Variants in SCUBE1 observed in about 807,000 individuals in gnomAD.
The protein encoded by SCUBE1 is signal peptide, CUB and EGF-like domain-containing protein 1.
SCUBE1 carries 59 observed loss-of-function variants against 124.4 expected under a neutral mutation model. The ratio of observed to expected loss-of-function variants is 0.47; its 90% confidence interval spans 0.38 to 0.59. SCUBE1 has a LOEUF of 0.59. Ranked by LOEUF, SCUBE1 falls within the 20% of genes least tolerant of loss-of-function variation. The pLI is 0.00. For missense variants in SCUBE1, 1,150 were observed against 1,371.2 expected (o/e 0.84, Z 2.55); for synonymous variants, 545 against 550.9 (o/e 0.99, Z 0.15).
At chr22:43,333,673 C>G (rs1390316347) in intron 2 of SCUBE1, among the ~76,000 whole-genome samples, 1 of 152,178 alleles carries the variant, frequency 6.6e-6, no homozygotes, top group Non-Finnish European at 1.5e-5. Flanking sequence ...CTTACAGTCC[C>G]TATGGGACAG....
At chr22:43,306,454 T>A (rs924256310) in intron 3 of SCUBE1, among the ~76,000 whole-genome samples, 4 of 152,114 alleles carry the variant, frequency 2.6e-5, no homozygotes, top group African/African-American at 9.7e-5. Context: ...GGCTTCTTCC[T>A]CAAGCCACCA....
chr22:43,274,436 G>T (rs1191400418), intron 4 of SCUBE1, among the ~76,000 whole-genome samples: 1 of 152,232 alleles, frequency 6.6e-6, no homozygotes, highest in East Asian at 1.9e-4. Flanking sequence ...GACCCTAAAG[G>T]AAGCCATGGC....
At chr22:43,230,574 CAGA>C (rs1235660523) in intron 8 of SCUBE1, among the ~76,000 whole-genome samples, 1 of 152,218 alleles carries the variant, frequency 6.6e-6, no homozygotes, top group African/African-American at 2.4e-5. Context: ...CAGCCCTCTG[CAGA>C]AGAACTTGGC....
intron 17 of SCUBE1, 93 bp downstream of exon 17, chr22:43,212,332 A>G (rs7364122): frequency 0.043 from 58,935 of 1,370,744 alleles, 2,186 homozygotes; most frequent in African/African-American, 0.17. Context: ...GGTTCGCCAC[A>G]TGGAGGAGAT....
chr22:43,209,275 G>A (rs1921435766), intron 19 of SCUBE1, among the ~76,000 whole-genome samples: 1 of 152,196 alleles, frequency 6.6e-6, no homozygotes, highest in African/African-American at 2.4e-5. Flanking sequence ...GCCAGCGTCT[G>A]TGGGTGTCTG....
chr22:43,251,129 G>C (rs1243185783), intron 6 of SCUBE1, among the ~76,000 whole-genome samples: 1 of 152,184 alleles, frequency 6.6e-6, no homozygotes, highest in African/African-American at 2.4e-5. Context: ...GGTGAGGCGA[G>C]AGAGCCGGGG....
chr22:43,255,725 C>T lies in SCUBE1; in HGVS notation c.727+2494G>A, dbSNP rs141358940. 1,099 of 697,244 alleles carry T rather than the reference C, an allele frequency of 1.6e-3. 5 individuals are homozygous for T. Among genetic ancestry groups the T allele is most frequent in the Middle Eastern group, 3.4e-3 (12 of 3,526 alleles). The allele number at this position is 697,244 out of a possible 1,614,324, so 43.2% of individuals were successfully genotyped here. The stretch of plus-strand genomic sequence containing the variant: ...CGGCATCCTCGCCAAGGGGCTAATC[C>T]CAGGAACCTCCAAGGTGGGGGTGTT... On this transcript the variant is annotated intron_variant, in intron 6 of 21. Transcript: ENST00000360835. This position sits in a 1 kb window ranked among gnomAD's most constrained non-coding sequence, Gnocchi z 4.7.
intron 8 of SCUBE1, 106 bp downstream of exon 8, chr22:43,231,647 C>T (rs1922556157): frequency 1.4e-6 from 2 of 1,399,918 alleles, no homozygotes; most frequent in Non-Finnish European, 1.9e-6. Flanking sequence ...CGGGCCCAGC[C>T]CCATCCGCAT....
chr22:43,310,902 CTT>C (rs1926146574), intron 3 of SCUBE1, among the ~76,000 whole-genome samples: 1 of 152,196 alleles, frequency 6.6e-6, no homozygotes, highest in South Asian at 2.1e-4. Context: ...CCTCAGCCTC[CTT>C]AGTAGCTGGG....
chr22:43,221,154 A>G lies in SCUBE1; in HGVS notation c.1549+19T>C, dbSNP rs1010331333. 2.5e-6 allele frequency: 4 copies of G among 1,584,776 alleles called. No individual in the cohort carries two copies. The highest frequency in any genetic ancestry group is 3.4e-6 in the Non-Finnish European group (4 of 1,160,674). ...TACAGCCCCGTTGGTGTGGGTTAGG[A>G]GCAGGGCGTCCCACTCACCCAGCAG... On this transcript the variant is annotated intron_variant, in intron 13 of 21. Transcript: ENST00000360835.
intron 2 of SCUBE1, among the ~76,000 whole-genome samples, chr22:43,331,458 A>AATT (rs1926900196): frequency 6.6e-6 from 1 of 152,240 alleles, no homozygotes; most frequent in South Asian, 2.1e-4. Context: ...CCACTTGAAT[A>AATT]AATGGTTTAA....
chr22:43,280,393 CCCCGTCCCTTCCCCTCACCCA>C (rs1569009234), intron 4 of SCUBE1, among the ~76,000 whole-genome samples: 9 of 121,160 alleles, frequency 7.4e-5, no homozygotes, highest in African/African-American at 2.8e-4. Flanking sequence ...CTCACCCATC[CCCCGTCCCTTCCCCTCACCCA>C]TCCTCCTGTC....
At chr22:43,207,979 G>T in intron 20 of SCUBE1, 93 bp downstream of exon 20, 1 of 1,414,488 alleles carries the variant, frequency 7.1e-7, no homozygotes, top group Non-Finnish European at 9.9e-7. Context: ...CCAGGTCGCA[G>T]CTCCCTGAGG....
At chr22:43,278,506 G>A (rs1924627011) in intron 4 of SCUBE1, among the ~76,000 whole-genome samples, 1 of 152,170 alleles carries the variant, frequency 6.6e-6, no homozygotes, top group African/African-American at 2.4e-5. Flanking sequence ...GCCGTGCTAG[G>A]GCCCCTCAGG....
intron 4 of SCUBE1, among the ~76,000 whole-genome samples, chr22:43,267,007 C>G (rs1924095717): frequency 6.6e-6 from 1 of 152,130 alleles, no homozygotes; most frequent in Non-Finnish European, 1.5e-5. Flanking sequence ...AATCTTTGCC[C>G]CTGAGAGTTG....
At chr22:43,215,409 G>C (rs142876515) in intron 15 of SCUBE1, among the ~76,000 whole-genome samples, 2 of 152,256 alleles carry the variant, frequency 1.3e-5, no homozygotes, top group Non-Finnish European at 2.9e-5. Context: ...AATGTGACTA[G>C]TGAGCGTGGA....
chr22:43,244,852 C>A (rs1923142981), intron 6 of SCUBE1, among the ~76,000 whole-genome samples: 1 of 152,272 alleles, frequency 6.6e-6, no homozygotes, highest in South Asian at 2.1e-4. Context: ...CCCTCAGTGG[C>A]CTACCCTGAT....
intron 6 of SCUBE1, among the ~76,000 whole-genome samples, chr22:43,241,928 C>T (rs192128870): frequency 2.0e-5 from 3 of 152,360 alleles, no homozygotes; most frequent in Admixed American, 6.5e-5. Context: ...GCCTTGGGCC[C>T]GCCCTCACCT....
In SCUBE1 at chr22:43,302,074, G is replaced by C. The variant is rs553624939; in HGVS notation, c.350-10894C>G. Among the ~76,000 whole-genome samples the C allele has an allele frequency of 3.3e-5, 5 of 152,372 alleles. No homozygotes were observed. In the South Asian group the frequency reaches 8.3e-4, roughly 25 times the overall value. ...TGGGTGTGTGGGTGGGTCAGGGGCT[G>C]ACATCAGGAGATGCCAGAGAAGGCT... On this transcript the variant is annotated intron_variant, in intron 3 of 21. Transcript: ENST00000360835.
Sources: gnomAD v4.1 joint callset for allele counts (sites outside exome capture counted in the v4.1 genomes callset) on GRCh38, gnomAD v4.1.1 for gene constraint, Gnocchi (gnomAD v3.1) non-coding constraint, MANE v1.5 for transcripts, NCBI Gene and HGNC (gene_info 2026-07-23, HGNC 2026-07-21) for gene names.